The following NEK10 variants were observed in gnomAD, a reference collection of about 807,000 sequenced individuals.
NEK10 encodes the protein serine/threonine-protein kinase Nek10.
A neutral mutation model predicts 159.8 loss-of-function variants in NEK10; 122 were observed. The ratio of observed to expected loss-of-function variants is 0.76; its 90% CI spans 0.66 to 0.89. NEK10 has a LOEUF of 0.89. Among genes scored for constraint, NEK10 ranks in the 40% least tolerant of loss-of-function variants. The probability of loss-of-function intolerance (pLI) is 0.00; values close to 1 mark genes in which losing one functional copy is unlikely to be tolerated. For synonymous variants in NEK10, 466 were observed against 457.1 expected, an observed-to-expected ratio of 1.02 and a Z score of -0.25; for missense variants, 1,342 against 1,323.1, an observed-to-expected ratio of 1.01 and a Z score of -0.22.
At chr3:27,338,310 C>T (rs1465960880) in intron 5 of NEK10, among the ~76,000 whole-genome samples, 1 of 152,206 alleles carries the variant, frequency 6.6e-6, no homozygotes, top group East Asian at 1.9e-4. Flanking sequence ...TGTATATGTG[C>T]CACATTTTCT....
At chr3:27,154,597 C>T (rs561305904) in intron 30 of NEK10, among the ~76,000 whole-genome samples, 3 of 152,176 alleles carry the variant, frequency 2.0e-5, no homozygotes, top group Admixed American at 6.5e-5. Context: ...AGACAGTCCA[C>T]GATAATCAAG....
At chr3:27,238,321 A>C (rs1358927871) in intron 23 of NEK10, among the ~76,000 whole-genome samples, 2 of 152,158 alleles carry the variant, frequency 1.3e-5, no homozygotes, top group Non-Finnish European at 2.9e-5. Context: ...TTCACATAGA[A>C]AGGAATTTGG....
intron 26 of NEK10, among the ~76,000 whole-genome samples, chr3:27,181,161 C>A (rs908500722): frequency 6.6e-6 from 1 of 152,078 alleles, no homozygotes; most frequent in Non-Finnish European, 1.5e-5. Flanking sequence ...CACCAATACT[C>A]CATGCAGTCA....
intron 23 of NEK10, among the ~76,000 whole-genome samples, chr3:27,237,919 C>T (rs977355074): frequency 6.6e-6 from 1 of 152,114 alleles, no homozygotes; most frequent in African/African-American, 2.4e-5. Context: ...ACCAATAATA[C>T]ACCATGCTTT....
At chr3:27,340,264 A>C (rs569210707) in intron 5 of NEK10, among the ~76,000 whole-genome samples, 8 of 152,310 alleles carry the variant, frequency 5.3e-5, no homozygotes, top group Admixed American at 3.9e-4. Flanking sequence ...GGAACAGAAA[A>C]CCAAACACCG....
intron 12 of NEK10, among the ~76,000 whole-genome samples, chr3:27,302,203 T>C (rs555060495): frequency 1.3e-5 from 2 of 152,356 alleles, no homozygotes; most frequent in South Asian, 2.1e-4. Context: ...AGTTCTCTCC[T>C]ATCATATCTT....
intron 23 of NEK10, chr3:27,252,812 T>C (rs900363163): frequency 1.3e-5 from 6 of 458,732 alleles, no homozygotes; most frequent in Non-Finnish European, 2.6e-5. Flanking sequence ...TAGGAATTGT[T>C]AAAGTTTGGT....
chr3:27,275,798 A>G (rs1436320566), intron 22 of NEK10, among the ~76,000 whole-genome samples: 2 of 152,210 alleles, frequency 1.3e-5, no homozygotes, highest in African/African-American at 4.8e-5. Context: ...ATAACAATTA[A>G]AAGTCCTCTA....
intron 23 of NEK10, among the ~76,000 whole-genome samples, chr3:27,202,953 T>C (rs1365075468): frequency 6.6e-6 from 1 of 152,180 alleles, no homozygotes; most frequent in East Asian, 1.9e-4. Flanking sequence ...GCTTTTGGCT[T>C]TGACTGTGTT....
At chr3:27,131,649 G>A (rs1157829445) in intron 32 of NEK10, among the ~76,000 whole-genome samples, 1 of 151,896 alleles carries the variant, frequency 6.6e-6, no homozygotes, top group African/African-American at 2.4e-5. Context: ...CTTTTTCTTA[G>A]GAAAACATAC....
chr3:27,337,337 A>G (rs2046875614), intron 5 of NEK10, among the ~76,000 whole-genome samples: 1 of 152,150 alleles, frequency 6.6e-6, no homozygotes, highest in Non-Finnish European at 1.5e-5. Flanking sequence ...CACAAAGGAA[A>G]GACATTCCAT....
chr3:27,236,810 G>T (rs528316387), intron 23 of NEK10, among the ~76,000 whole-genome samples: 2 of 152,272 alleles, frequency 1.3e-5, no homozygotes, highest in Non-Finnish European at 2.9e-5. Flanking sequence ...TCTATGTTCA[G>T]CTGTGCACAT....
chr3:27,198,064 T>A (rs952047457), intron 25 of NEK10, among the ~76,000 whole-genome samples: 7 of 152,082 alleles, frequency 4.6e-5, no homozygotes, highest in African/African-American at 1.7e-4. Context: ...TACCTAGGAA[T>A]ACAGCTAACC....
intron 3 of NEK10, among the ~76,000 whole-genome samples, chr3:27,347,502 C>CAAAA (rs35966643): frequency 4.7e-5 from 3 of 63,438 alleles, no homozygotes; most frequent in African/African-American, 1.4e-4. Context: ...AACTCCGTCT[C>CAAAA]AAAAAAAAAA....
intron 16 of NEK10, 58 bp downstream of exon 16, chr3:27,293,530 A>C (rs772551010): frequency 2.7e-5 from 23 of 865,792 alleles, no homozygotes; most frequent in Non-Finnish European, 4.0e-5. Context: ...ATGTGAAAAC[A>C]GTTCAATCTA....
intron 20 of NEK10, 145 bp downstream of exon 20, chr3:27,287,553 T>A: frequency 1.4e-6 from 1 of 737,538 alleles, no homozygotes; most frequent in Non-Finnish European, 2.1e-6. Context: ...GTCAAGAAAG[T>A]GATGCTTAAG....
intron 22 of NEK10, among the ~76,000 whole-genome samples, chr3:27,266,236 G>A (rs1003856813): frequency 1.3e-5 from 2 of 152,106 alleles, no homozygotes; most frequent in African/African-American, 4.8e-5. Context: ...TGGCTTTGAT[G>A]CTGTCTAAGA....
In NEK10 at chr3:27,125,083, T is replaced by G. The variant is rs190661242; in HGVS notation, c.3082-5215A>C. Among the ~76,000 whole-genome samples the G allele has an allele frequency of 3.0e-4, 45 of 151,990 alleles. No homozygotes were observed. In the East Asian group the frequency reaches 8.7e-3, roughly 29 times the overall value. Reference sequence around the variant, plus strand: ...TAAAGAGCAAATGACTGAATATACTTTCGAACTAAACTAAGTAAATATATT... The same window carrying G: ...TAAAGAGCAAATGACTGAATATACTGTCGAACTAAACTAAGTAAATATATT... On this transcript the variant is annotated intron_variant, in intron 32 of 35. Coordinates refer to ENST00000691995, the MANE Select transcript of NEK10 (RefSeq NM_001394966.1).
chr3:27,141,391 C>T (rs966151497), intron 31 of NEK10, 91 bp downstream of exon 31: 6 of 915,440 alleles, frequency 6.6e-6, no homozygotes, highest in Non-Finnish European at 1.0e-5. Flanking sequence ...AACAAGAATT[C>T]AATCTAAAGT....
Sources: gnomAD v4.1 joint callset for allele counts (sites outside exome capture counted in the v4.1 genomes callset) on GRCh38, gnomAD v4.1.1 for gene constraint, MANE v1.5 for transcripts, NCBI Gene and HGNC (gene_info 2026-07-23, HGNC 2026-07-21) for gene names.